The following EPM2A variants were observed in gnomAD, a reference collection of about 807,000 sequenced individuals.
EPM2A encodes EPM2A glucan phosphatase, laforin, also known as laforin.
EPM2A carries 21 observed loss-of-function variants against 26.5 expected under a neutral mutation model. The observed-to-expected ratio is 0.79, with a 90% confidence interval of 0.56 to 1.14. The LOEUF (loss-of-function observed/expected upper bound fraction) is 1.14, where lower values mean the gene tolerates loss of function less well. Ranked by LOEUF, EPM2A falls within the 50% of genes most tolerant of loss-of-function variation. EPM2A has a pLI of 0.00. For synonymous variants in EPM2A, 217 were observed against 177.6 expected (o/e 1.22, Z -1.76); for missense variants, 458 against 440.8 (o/e 1.04, Z -0.35).
intron 2 of EPM2A, among the ~76,000 whole-genome samples, chr6:145,667,994 C>T (rs1215118064): frequency 1.5e-5 from 2 of 137,060 alleles, no homozygotes; most frequent in African/African-American, 2.8e-5. Context: ...AAGGGGAATA[C>T]CACACTCTGG....
intron 2 of EPM2A, among the ~76,000 whole-genome samples, chr6:145,664,850 T>A (rs1041492426): frequency 5.9e-5 from 9 of 151,856 alleles, no homozygotes; most frequent in Non-Finnish European, 1.0e-4. Context: ...GAACTCAGGA[T>A]TAAGACTCTC....
At chr6:145,606,912 T>C (rs1401306219) in intron 2 of EPM2A, among the ~76,000 whole-genome samples, 1 of 152,224 alleles carries the variant, frequency 6.6e-6, no homozygotes, top group Non-Finnish European at 1.5e-5. Flanking sequence ...ACTTGAGCTA[T>C]TTCTTGTAAA....
At chr6:145,520,897 A>G (rs1037886089) in intron 2 of EPM2A, among the ~76,000 whole-genome samples, 3 of 152,212 alleles carry the variant, frequency 2.0e-5, no homozygotes, top group East Asian at 3.8e-4. Context: ...TGTTTTTAAT[A>G]AGTCAATTAG....
intron 2 of EPM2A, among the ~76,000 whole-genome samples, chr6:145,607,040 C>T (rs192505128): frequency 1.3e-3 from 196 of 152,240 alleles, no homozygotes; most frequent in African/African-American, 4.4e-3. Context: ...ATAACTATAA[C>T]CAATCAAGTA....
chr6:145,502,310 A>T (rs1370750795), intron 3 of EPM2A, among the ~76,000 whole-genome samples: 1 of 152,208 alleles, frequency 6.6e-6, no homozygotes, highest in African/African-American at 2.4e-5. Context: ...ACTCCCTCCC[A>T]TGGCTTCCAT....
chr6:145,464,095 C>A (rs1779357737), intron 4 of EPM2A, among the ~76,000 whole-genome samples: 1 of 152,016 alleles, frequency 6.6e-6, no homozygotes, highest in East Asian at 1.9e-4. Flanking sequence ...CCTGCTTCAC[C>A]TGTAATCCCA....
intron 4 of EPM2A, among the ~76,000 whole-genome samples, chr6:145,455,092 G>C (rs944234904): frequency 6.6e-6 from 1 of 151,252 alleles, no homozygotes; most frequent in African/African-American, 2.4e-5. Context: ...AAGAGAATGT[G>C]GTAATAGAGA....
intron 4 of EPM2A, among the ~76,000 whole-genome samples, chr6:145,422,076 T>TAGAG (rs61310193): frequency 0.039 from 5,467 of 138,574 alleles, 311 homozygotes; most frequent in African/African-American, 0.12. Context: ...TATATATATA[T>TAGAG]AGAGAGAGAG....
At chr6:145,560,298 C>T (rs1239178077) in intron 2 of EPM2A, among the ~76,000 whole-genome samples, 5 of 152,128 alleles carry the variant, frequency 3.3e-5, no homozygotes, top group Admixed American at 3.3e-4. Context: ...AGAAATGTCT[C>T]ATAGCATATG....
chr6:145,571,839 C>T (rs996286522), intron 2 of EPM2A, among the ~76,000 whole-genome samples: 3 of 152,170 alleles, frequency 2.0e-5, no homozygotes, highest in Non-Finnish European at 4.4e-5. Flanking sequence ...TGAGCGGTGT[C>T]CACAGAATGG....
At chr6:145,617,899 C>T (rs980488996) in intron 2 of EPM2A, among the ~76,000 whole-genome samples, 1 of 152,176 alleles carries the variant, frequency 6.6e-6, no homozygotes, top group African/African-American at 2.4e-5. Flanking sequence ...GCTGTTATCG[C>T]ACCACTGTAC....
chr6:145,625,848 G>C lies in EPM2A; in HGVS notation c.*1568C>G, dbSNP rs528989693. 4.5e-6 allele frequency: 7 copies of C among 1,540,380 alleles called. No individual in the cohort carries two copies. Among genetic ancestry groups the C allele is most frequent in the Admixed American group, 4.0e-5 (2 of 50,388 alleles). ...CACGCCTTCTAAATAAGAGTCTCTT[G>C]CATCTATCAATATGTGTTTGTGGAA... is the stretch of plus-strand genomic sequence containing the variant. On this transcript the variant is annotated 3_prime_UTR_variant, in exon 4 of 4. Coordinates refer to ENST00000367519, the MANE Select transcript of EPM2A (RefSeq NM_005670.4).
intron 1 of EPM2A, among the ~76,000 whole-genome samples, chr6:145,715,987 G>A (rs1055583510): frequency 9.2e-5 from 14 of 152,122 alleles, no homozygotes; most frequent in African/African-American, 3.4e-4. Flanking sequence ...CCCAGTCCAT[G>A]GAAAAATTAT....
intron 4 of EPM2A, among the ~76,000 whole-genome samples, chr6:145,471,210 T>G (rs547056394): frequency 6.6e-6 from 1 of 152,296 alleles, no homozygotes; most frequent in East Asian, 1.9e-4. Flanking sequence ...TATTGATTGA[T>G]CAATATATTT....
chr6:145,490,895 A>T (rs572061115), intron 4 of EPM2A: 1 of 714,426 alleles, frequency 1.4e-6, no homozygotes, highest in Admixed American at 1.9e-5. Context: ...ATCTGCCAAC[A>T]GTGCTAGAGC....
chr6:145,442,580 T>C (rs1779078937), intron 4 of EPM2A, among the ~76,000 whole-genome samples: 1 of 152,142 alleles, frequency 6.6e-6, no homozygotes, highest in Non-Finnish European at 1.5e-5. Context: ...GATTCAATTA[T>C]CTCCCATTGG....
chr6:145,640,022 A>G (rs1776973129), intron 2 of EPM2A: 1 of 152,182 alleles, frequency 6.6e-6, no homozygotes, highest in Non-Finnish European at 1.5e-5. Context: ...ATCAAAATCA[A>G]TTTAACTCAT....
chr6:145,386,357 G>A (rs1280153719), intron 4 of EPM2A, among the ~76,000 whole-genome samples: 3 of 151,768 alleles, frequency 2.0e-5, no homozygotes, highest in African/African-American at 7.3e-5. Flanking sequence ...TATTTAAAAC[G>A]AGGGAAAAAA....
chr6:145,500,755 G>A (rs528642558), downstream of EPM2A, among the ~76,000 whole-genome samples: 5 of 152,222 alleles, frequency 3.3e-5, no homozygotes, highest in South Asian at 1.0e-3. Context: ...TTTCTCTCTG[G>A]CCTGGGAGAA....
Sources: allele counts gnomAD v4.1 joint callset (sites outside exome capture counted in the v4.1 genomes callset), GRCh38; gene constraint gnomAD v4.1.1; transcripts MANE v1.5; gene names NCBI Gene and HGNC (gene_info 2026-07-23, HGNC 2026-07-21).